APOBEC3B: variants seen among roughly 807,000 people sequenced by gnomAD.
APOBEC3B encodes the protein DNA dC->dU-editing enzyme APOBEC-3B.
APOBEC3B carries 29 observed loss-of-function variants against 53.4 expected under a neutral mutation model. That is an observed-to-expected ratio of 0.54 (90% confidence interval 0.40 to 0.74). The LOEUF (loss-of-function observed/expected upper bound fraction) is 0.74, where lower values mean the gene tolerates loss of function less well. Among genes scored for constraint, APOBEC3B ranks in the 30% least tolerant of loss-of-function variants. The pLI, the probability that APOBEC3B is intolerant of heterozygous loss-of-function variation, is 0.00. For missense variants in APOBEC3B, 347 were observed against 496.2 expected, an observed-to-expected ratio of 0.70 and a Z score of 2.86; for synonymous variants, 132 against 184.8, an observed-to-expected ratio of 0.71 and a Z score of 2.32.
At chr22:38,992,242 TC>T (rs759670284) in intron 7 of APOBEC3B, 93 bp downstream of exon 7, 5 of 1,541,652 alleles carry the variant, frequency 3.2e-6, no homozygotes, top group Non-Finnish European at 4.4e-6. Context: ...CAGAGCCTCC[TC>T]TGGGTTCCCT....
chr22:38,985,013 G>A lies in APOBEC3B; in HGVS notation c.174+782G>A, dbSNP rs755456547. Among the ~76,000 whole-genome samples the A allele has an allele frequency of 4.4e-4, 63 of 141,814 alleles. 4 individuals carry two copies. The highest frequency in any genetic ancestry group is 1.5e-3 in the African/African-American group (58 of 38,902). 93.0% of individuals were successfully genotyped at this position (141,814 alleles called of 152,430 possible). The stretch of plus-strand genomic sequence containing the variant: ...ACCTCTCAGGTTCAAGTGATTCTTC[G>A]GCCTTAGCCTCCCGAATAGCTGGGA... On this transcript the variant is annotated intron_variant, in intron 2 of 7. Coordinates refer to ENST00000333467, the MANE Select transcript of APOBEC3B (RefSeq NM_004900.5).
chr22:38,990,567 C>G (rs1923953376), intron 5 of APOBEC3B, among the ~76,000 whole-genome samples: 1 of 147,688 alleles, frequency 6.8e-6, no homozygotes, highest in South Asian at 2.2e-4. Context: ...ACAATTATAC[C>G]ATGTCACAGG....
At position 38,986,399 on chromosome 22, in the gene APOBEC3B, A is replaced by G. The variant is rs1923742000; in HGVS notation, c.556A>G (p.Lys186Glu). 1 of 1,593,380 alleles carries G rather than the reference A, an allele frequency of 6.3e-7. No individual in the cohort carries two copies. The highest frequency in any genetic ancestry group is 1.3e-5 in the African/African-American group (1 of 74,362). ...ENYAFLHRTL[K>E]EILRYLMDPD... ...TTATGCATTCCTGCACCGCACGCTAAAGGAGATTCTCAGGTGAGGGTCTCC... is the reference window on the plus strand; with the variant it reads ...TTATGCATTCCTGCACCGCACGCTAGAGGAGATTCTCAGGTGAGGGTCTCC... The change falls in exon 4 of 8, where the codon AAG (lysine) becomes GAG (glutamate). Residue 186 changes from lysine (K) to glutamate (E), a missense_variant. Lys to Glu is a moderately conservative substitution (Grantham distance 56). Around this residue, in one of 5 missense-constraint regions of APOBEC3B, gnomAD observed 156 missense variants for 166.7 expected, o/e 0.94. Transcript: ENST00000333467.
intron 6 of APOBEC3B, 102 bp from the exon 7 acceptor site, chr22:38,991,932 C>A (rs1924017735): frequency 2.8e-6 from 4 of 1,437,340 alleles, no homozygotes; most frequent in Non-Finnish European, 3.7e-6. Flanking sequence ...AAAGGAGGGA[C>A]TGAAACCAGG....
Position 38,992,609 on chromosome 22 carries a change from G to C in APOBEC3B, c.*164G>C. ...GATCAAGTAGATTTTTTAAAAATCA[G>C]AGTCAATTAATTTTAATTGAAAATT... On this transcript the variant is annotated 3_prime_UTR_variant, in exon 8 of 8. Coordinates refer to ENST00000333467, the MANE Select transcript of APOBEC3B (RefSeq NM_004900.5). 6.6e-7 allele frequency: 1 copy of C among 1,516,392 alleles called. No individual in the cohort carries two copies. The highest frequency in any genetic ancestry group is 8.9e-7 in the Non-Finnish European group (1 of 1,128,944). The allele number at this position is 1,516,392 out of a possible 1,614,324, so 93.9% of individuals were successfully genotyped here.
rs367829367 is a variant in APOBEC3B, at chr22:38,984,053, G to A, written c.18-22G>A. Reference sequence around the variant, plus strand: ...CCCGGGAGGGCTCCCTGCATGGGCCGGTTTCTCTCTTGTGCCTTCAGAAAT... The same window carrying A: ...CCCGGGAGGGCTCCCTGCATGGGCCAGTTTCTCTCTTGTGCCTTCAGAAAT... On this transcript the variant is annotated intron_variant, in intron 1 of 7. Transcript: ENST00000333467. 46 of 1,569,836 alleles carry A rather than the reference G, an allele frequency of 2.9e-5. 3 individuals are homozygous for A. Among genetic ancestry groups the A allele is most frequent in the South Asian group, 1.5e-4 (13 of 84,762 alleles).
intron 4 of APOBEC3B, 66 bp downstream of exon 4, chr22:38,986,478 T>C (rs1923745531): frequency 6.5e-7 from 1 of 1,540,370 alleles, no homozygotes. Flanking sequence ...GAGGCCTCCG[T>C]TGGCCTGGCC....
chr22:38,990,273 C>CCA (rs1416578658), intron 5 of APOBEC3B, among the ~76,000 whole-genome samples: 1 of 148,028 alleles, frequency 6.8e-6, no homozygotes, highest in Non-Finnish European at 1.5e-5. Flanking sequence ...CTCGCTGGAT[C>CCA]CACACACACT....
At chr22:38,984,787 G>C (rs1469346711) in intron 2 of APOBEC3B, among the ~76,000 whole-genome samples, 1 of 147,588 alleles carries the variant, frequency 6.8e-6, no homozygotes, top group Non-Finnish European at 1.5e-5. Flanking sequence ...CCTTGCTACA[G>C]TAGGACCTAA....
chr22:38,988,695 T>TTCTCTC (rs1213178091), intron 4 of APOBEC3B, among the ~76,000 whole-genome samples: 1 of 75,246 alleles, frequency 1.3e-5, no homozygotes, highest in African/African-American at 6.0e-5. Flanking sequence ...CTTTCTTTCT[T>TTCTCTC]TCTTTCTTTC....
rs751832068 is a variant in APOBEC3B at position 38,992,019 on chromosome 22, C to T, written c.1019-15C>T. On this transcript the variant is annotated splice_polypyrimidine_tract_variant and intron_variant, in intron 6 of 7. Coordinates refer to ENST00000333467, the MANE Select transcript of APOBEC3B (RefSeq NM_004900.5). ...CACAACAGGAGCGTGACTTATCTCC[C>T]CTGTCCCTTTTCAGAGTTTGAGTAC... The T allele has an allele frequency of 1.9e-6, 3 of 1,569,038 alleles. No individual in the cohort carries two copies. Among genetic ancestry groups the T allele is most frequent in the Non-Finnish European group, 2.6e-6 (3 of 1,159,542 alleles).
chr22:38,986,201 A>G (rs144733224), intron 3 of APOBEC3B, 97 bp from the exon 4 acceptor site: 28 of 1,582,242 alleles, frequency 1.8e-5, no homozygotes, highest in African/African-American at 9.5e-5. Flanking sequence ...CAGGGGTGGG[A>G]CTGGCACTGA....
chr22:38,986,805 G>T (rs2072864), intron 4 of APOBEC3B, among the ~76,000 whole-genome samples: 66,889 of 147,842 alleles, frequency 0.45, 18,599 homozygotes, highest in East Asian at 0.63. Context: ...TGGCATCCTG[G>T]GGGGACATCT....
chr22:38,982,460 C>A lies in APOBEC3B; in HGVS notation c.7C>A (p.Pro3Thr). 6.3e-7 allele frequency: 1 copy of A among 1,593,656 alleles called. No homozygotes were observed. Among genetic ancestry groups the A allele is most frequent in the Non-Finnish European group, 8.5e-7 (1 of 1,172,584 alleles). ...CGTATCTAAGAGGCTGAACATGAATCCACAGATCAGGTACCGCTGCCCACT... is the reference window on the plus strand; with the variant it reads ...CGTATCTAAGAGGCTGAACATGAATACACAGATCAGGTACCGCTGCCCACT... MN[P>T]QIRNPMERMY... Residue 3 changes from proline to threonine, a missense_variant, in exon 1 of 8, where the codon CCA becomes ACA. Physicochemically the swap from Pro to Thr is conservative, Grantham distance 38. Around this residue, in one of 5 missense-constraint regions of APOBEC3B, gnomAD observed 73 missense variants for 90.9 expected, o/e 0.80. Transcript: ENST00000333467.
At position 38,986,002 on chromosome 22, in the gene APOBEC3B, G is replaced by A. The variant is rs771243865; in HGVS notation, c.365G>A (p.Arg122His). The A allele has an allele frequency of 3.1e-6, 5 of 1,594,130 alleles. No individual in the cohort carries two copies. Among genetic ancestry groups the A allele is most frequent in the South Asian group, 1.1e-5 (1 of 88,842 alleles). The change falls in exon 3 of 8, where the codon CGC (arginine) becomes CAC (histidine). Residue 122 changes from arginine to histidine, a missense_variant. Arg to His is a conservative substitution (Grantham distance 29, BLOSUM62 0). Coordinates refer to ENST00000333467, the MANE Select transcript of APOBEC3B (RefSeq NM_004900.5). ...GTCACCCTGACCATCTCTGCCGCCC[G>A]CCTCTACTACTACTGGGAAAGAGAT... ...PNVTLTISAARLYYYWERDYR... is the reference protein window; with the variant it reads ...PNVTLTISAAHLYYYWERDYR...
In APOBEC3B at chr22:38,987,741, A is replaced by G. The variant is rs891750174; in HGVS notation, c.569+1329A>G. Among the ~76,000 whole-genome samples the G allele has an allele frequency of 1.1e-4, 17 of 148,470 alleles. 2 individuals are homozygous for G. Among genetic ancestry groups the G allele is most frequent in the South Asian group, 6.7e-4 (3 of 4,488 alleles). On this transcript the variant is annotated intron_variant, in intron 4 of 7. Coordinates refer to ENST00000333467, the MANE Select transcript of APOBEC3B (RefSeq NM_004900.5). The stretch of plus-strand genomic sequence containing the variant: ...CACAGGCTCCTCCTCCGTGAGCACC[A>G]TTCACCTTTTAGAATGACACCTGCA...
In APOBEC3B at chr22:38,989,981, G is replaced by A. The variant is rs1371273255; in HGVS notation, c.723+371G>A. On this transcript the variant is annotated intron_variant, in intron 5 of 7. Coordinates refer to ENST00000333467, the MANE Select transcript of APOBEC3B (RefSeq NM_004900.5). ...TTCATCCTGCGGAGAGACAGACTGG[G>A]GCAGGAGAGGCTGATCAGGGGTTTT... Among the ~76,000 whole-genome samples the A allele has an allele frequency of 1.3e-5, 2 of 148,850 alleles. 1 individual carries two copies. The highest frequency in any genetic ancestry group is 1.4e-4 in the Admixed American group (2 of 14,528).
intron 2 of APOBEC3B, among the ~76,000 whole-genome samples, chr22:38,985,143 A>G (rs552048392): frequency 6.8e-6 from 1 of 147,994 alleles, no homozygotes; most frequent in Non-Finnish European, 1.5e-5. Flanking sequence ...CAGGTGAGTC[A>G]CCTGCCTTGG....
chr22:38,986,124 G>A (rs1018086560), intron 3 of APOBEC3B, 33 bp downstream of exon 3: 17 of 1,583,774 alleles, frequency 1.1e-5, no homozygotes, highest in South Asian at 3.4e-5. Context: ...GAGCGTGAGC[G>A]GGAGGAACAG....
Sources: gnomAD v4.1 joint callset for allele counts (sites outside exome capture counted in the v4.1 genomes callset) on GRCh38, gnomAD v4.1.1 for gene constraint, gnomAD v4.1.1 regional missense constraint, MANE v1.5 for transcripts, NCBI Gene and HGNC (gene_info 2026-07-23, HGNC 2026-07-21) for gene names.